Variants in RASGEF1C observed in about 807,000 individuals in gnomAD.
RASGEF1C encodes ras-GEF domain-containing family member 1C.
RASGEF1C carries 27 observed loss-of-function variants against 58.1 expected under a neutral mutation model. The ratio of observed to expected loss-of-function variants is 0.46; its 90% CI spans 0.34 to 0.64. The LOEUF is 0.64. Among genes scored for constraint, RASGEF1C ranks in the 30% least tolerant of loss-of-function variants. RASGEF1C has a pLI of 0.01. For synonymous variants in RASGEF1C, 243 were observed against 246.3 expected (o/e 0.99, Z 0.13); for missense variants, 502 against 605.1 (o/e 0.83, Z 1.79).
chr5:180,128,080 T>C (rs1008534164), intron 5 of RASGEF1C, among the ~76,000 whole-genome samples: 1 of 152,200 alleles, frequency 6.6e-6, no homozygotes, highest in Admixed American at 6.5e-5. Flanking sequence ...GCTTCACCTT[T>C]CTGGGCCTTA....
In RASGEF1C at chr5:180,190,670, A is replaced by AAAT. The variant is rs1561756904; in HGVS notation, c.-7+18355_-7+18357dup. 2.0e-5 allele frequency among the ~76,000 whole-genome samples: 3 copies of AAAT among 151,514 alleles called. No homozygotes were observed. The South Asian group carries it at 6.3e-4, about 32-fold the overall frequency. On this transcript the variant is annotated intron_variant, in intron 1 of 13. Transcript: ENST00000361132. ...GTGACAGAGCTAGACCCTGTCTCAA[A>AAAT]AATAATAATAATAATAAAAATTTTA...
chr5:180,136,583 T>C (rs914681791), intron 3 of RASGEF1C, 68 bp from the exon 4 acceptor site: 3 of 1,490,958 alleles, frequency 2.0e-6, no homozygotes, highest in Non-Finnish European at 2.7e-6. Context: ...TCACTGCGCG[T>C]CCTTGCGGGT....
chr5:180,142,623 G>A (rs1000304760), intron 1 of RASGEF1C, among the ~76,000 whole-genome samples: 14 of 152,132 alleles, frequency 9.2e-5, no homozygotes, highest in African/African-American at 1.9e-4. Context: ...GGCTGTGGCC[G>A]CTGCAGTGAT....
chr5:180,159,068 C>CT (rs1561746480), intron 1 of RASGEF1C, among the ~76,000 whole-genome samples: 2 of 150,174 alleles, frequency 1.3e-5, no homozygotes, highest in Admixed American at 6.6e-5. Context: ...ACTTTTTGTT[C>CT]TTTTTTTCAG....
chr5:180,119,805 C>T (rs190141039), intron 7 of RASGEF1C, among the ~76,000 whole-genome samples: 1 of 152,356 alleles, frequency 6.6e-6, no homozygotes, highest in Non-Finnish European at 1.5e-5. Flanking sequence ...TGCCCCCAGC[C>T]CTGGGCTTTC....
chr5:180,168,585 C>T lies in RASGEF1C; in HGVS notation c.-6-30527G>A, dbSNP rs1767055711. Among the ~76,000 whole-genome samples, 1 of 152,160 alleles carries T rather than the reference C, an allele frequency of 6.6e-6. No individual in the cohort carries two copies. Among genetic ancestry groups the T allele is most frequent in the South Asian group, 2.1e-4 (1 of 4,830 alleles). On this transcript the variant is annotated intron_variant, in intron 1 of 13. Transcript: ENST00000361132. The surrounding 1 kb of genome is among the most constrained non-coding windows in gnomAD (Gnocchi z 6.0). ...TTTCCTTCCTTGGTTTTGCTGTGCA[C>T]TTGCCAGGGCTATGCCTGATTCCAG...
intron 4 of RASGEF1C, among the ~76,000 whole-genome samples, chr5:180,132,766 C>T (rs566416293): frequency 1.3e-5 from 2 of 152,044 alleles, no homozygotes; most frequent in African/African-American, 2.4e-5. Context: ...GTCAGGAGTT[C>T]GAGACAAGCC....
chr5:180,105,229 T>C (rs1229646070), intron 12 of RASGEF1C, among the ~76,000 whole-genome samples: 1 of 152,216 alleles, frequency 6.6e-6, no homozygotes, highest in African/African-American at 2.4e-5. Flanking sequence ...GGAAGCACTT[T>C]ACAGCTTCCC....
At chr5:180,181,827 G>A (rs1248328140) in intron 1 of RASGEF1C, among the ~76,000 whole-genome samples, 1 of 152,178 alleles carries the variant, frequency 6.6e-6, no homozygotes, top group Non-Finnish European at 1.5e-5. Context: ...GCCACTGGCA[G>A]GATGTCTTCA....
At position 180,182,137 on chromosome 5, in the gene RASGEF1C, G is replaced by C. The variant is rs534104431; in HGVS notation, c.-7+26891C>G. Among the ~76,000 whole-genome samples, 99 of 144,872 alleles carry C rather than the reference G, an allele frequency of 6.8e-4. 2 individuals carry two copies. Among genetic ancestry groups the C allele is most frequent in the African/African-American group, 2.5e-3 (97 of 38,050 alleles). ...GGAGAATGGCGGGAACCCGGGAGGTGGAGCTTGCAGTGAGTCGAGATCGCG... is the reference window on the plus strand; with the variant it reads ...GGAGAATGGCGGGAACCCGGGAGGTCGAGCTTGCAGTGAGTCGAGATCGCG... On this transcript the variant is annotated intron_variant, in intron 1 of 13. Coordinates refer to ENST00000361132, the MANE Select transcript of RASGEF1C (RefSeq NM_175062.4).
At chr5:180,121,377 G>C (rs1001165546) in intron 6 of RASGEF1C, among the ~76,000 whole-genome samples, 5 of 151,174 alleles carry the variant, frequency 3.3e-5, no homozygotes, top group African/African-American at 7.3e-5. Flanking sequence ...GCGGTGGCGC[G>C]ATCTCGGCTC....
chr5:180,177,455 C>A lies in RASGEF1C; in HGVS notation c.-7+31573G>T, dbSNP rs1767249886. On this transcript the variant is annotated intron_variant, in intron 1 of 13. Coordinates refer to ENST00000361132, the MANE Select transcript of RASGEF1C (RefSeq NM_175062.4). The surrounding 1 kb of genome is among the most constrained non-coding windows in gnomAD (Gnocchi z 5.0). Reference sequence around the variant, plus strand: ...CGGCTGGGCCGCAGCAGTCCACGGGCAGGGCAGAGCCCCGGGCTTCCTTCC... The same window carrying A: ...CGGCTGGGCCGCAGCAGTCCACGGGAAGGGCAGAGCCCCGGGCTTCCTTCC... 6.6e-6 allele frequency among the ~76,000 whole-genome samples: 1 copy of A among 152,258 alleles called. No individual in the cohort carries two copies. Among genetic ancestry groups the A allele is most frequent in the Admixed American group, 6.5e-5 (1 of 15,292 alleles).
intron 1 of RASGEF1C, among the ~76,000 whole-genome samples, chr5:180,184,184 AAT>A (rs200154336): frequency 0.84 from 123,780 of 147,486 alleles, 52,086 homozygotes; most frequent in Admixed American, 0.88. Flanking sequence ...AATAAAAATA[AAT>A]AAATAAATAA....
At chr5:180,172,464 G>A (rs1247579059) in intron 1 of RASGEF1C, among the ~76,000 whole-genome samples, 1 of 152,194 alleles carries the variant, frequency 6.6e-6, no homozygotes, top group Non-Finnish European at 1.5e-5. Context: ...AGGGCTGAGG[G>A]GCAGAGGGAC....
chr5:180,190,468 T>G (rs33998933), intron 1 of RASGEF1C, among the ~76,000 whole-genome samples: 4 of 121,076 alleles, frequency 3.3e-5, no homozygotes, highest in African/African-American at 1.2e-4. Flanking sequence ...CCAGACTGGG[T>G]GACAGAGTGA....
At chr5:180,141,320 C>T (rs1766576142) in intron 1 of RASGEF1C, among the ~76,000 whole-genome samples, 1 of 152,206 alleles carries the variant, frequency 6.6e-6, no homozygotes, top group African/African-American at 2.4e-5. Flanking sequence ...GCAGCCCAAG[C>T]GTCCATCAGT....
At chr5:180,109,424 C>G (rs922562392) in intron 12 of RASGEF1C, among the ~76,000 whole-genome samples, 6 of 152,126 alleles carry the variant, frequency 3.9e-5, no homozygotes, top group Admixed American at 1.3e-4. Context: ...CGCCACTGCA[C>G]TCCAGCCTGG....
intron 1 of RASGEF1C, among the ~76,000 whole-genome samples, chr5:180,161,343 G>A (rs2113301018): frequency 6.6e-6 from 1 of 152,372 alleles, no homozygotes; most frequent in East Asian, 1.9e-4. Flanking sequence ...TCCGAGGCAA[G>A]GAGACTGAGG....
intron 1 of RASGEF1C, among the ~76,000 whole-genome samples, chr5:180,181,877 C>T (rs1459867406): frequency 1.3e-5 from 2 of 152,146 alleles, no homozygotes; most frequent in African/African-American, 2.4e-5. Context: ...ACCACAGTTT[C>T]TTCGGTTGGT....
Sources: gnomAD v4.1 joint callset for allele counts (sites outside exome capture counted in the v4.1 genomes callset) on GRCh38, gnomAD v4.1.1 for gene constraint, Gnocchi (gnomAD v3.1) non-coding constraint, MANE v1.5 for transcripts, NCBI Gene and HGNC (gene_info 2026-07-23, HGNC 2026-07-21) for gene names.